CLHC1: variants seen among roughly 807,000 people sequenced by gnomAD.
CLHC1 encodes clathrin heavy chain linker domain containing 1, also known as clathrin heavy chain linker domain-containing protein 1.
In CLHC1, 72 loss-of-function variants were observed where a neutral mutation model predicts 69.5. That is an observed-to-expected ratio of 1.04 (90% CI 0.86 to 1.26). The LOEUF is 1.26. CLHC1 is among the 50% of genes most tolerant of loss of function. The pLI is 0.00. For synonymous variants in CLHC1, 223 were observed against 224.3 expected (o/e 0.99, Z 0.05); for missense variants, 790 against 679.3 (o/e 1.16, Z -1.81).
intron 10 of CLHC1, 147 bp downstream of exon 10, chr2:55,181,423 C>A (rs1669922397): frequency 4.6e-6 from 3 of 645,646 alleles, no homozygotes; most frequent in Non-Finnish European, 7.7e-6. Context: ...GCCACCACAC[C>A]CGACCACTAA....
chr2:55,186,149 A>G (rs1670393303), intron 9 of CLHC1, among the ~76,000 whole-genome samples: 1 of 152,166 alleles, frequency 6.6e-6, no homozygotes. Flanking sequence ...TGAAGTCTGA[A>G]TTTCAGTTAT....
intron 1 of CLHC1, among the ~76,000 whole-genome samples, chr2:55,228,937 G>C (rs1375435777): frequency 6.6e-6 from 1 of 152,068 alleles, no homozygotes; most frequent in Admixed American, 6.6e-5. Context: ...ATCACTTGAG[G>C]TTAGGAGTTT....
chr2:55,186,681 G>A (rs1670444276), intron 9 of CLHC1, among the ~76,000 whole-genome samples: 1 of 151,954 alleles, frequency 6.6e-6, no homozygotes, highest in South Asian at 2.1e-4. Flanking sequence ...AGGCTGAGGT[G>A]GGAGGATCAC....
At chr2:55,177,819 A>G (rs748196506) in intron 11 of CLHC1, 38 bp from the exon 12 acceptor site, 2 of 1,446,038 alleles carry the variant, frequency 1.4e-6, no homozygotes, top group Non-Finnish European at 1.9e-6. Context: ...TCAATGTCCT[A>G]ATATCATAAA....
intron 3 of CLHC1, among the ~76,000 whole-genome samples, chr2:55,218,854 T>C (rs905323962): frequency 6.6e-6 from 1 of 152,194 alleles, no homozygotes; most frequent in Non-Finnish European, 1.5e-5. Context: ...CAGGCTCAAT[T>C]CCTAATTTTC....
chr2:55,214,821 A>G (rs1673340833), intron 4 of CLHC1: 1 of 152,254 alleles, frequency 6.6e-6, no homozygotes, highest in African/African-American at 2.4e-5. Flanking sequence ...AAACAGATGA[A>G]TGGATAAACA....
intron 9 of CLHC1, among the ~76,000 whole-genome samples, chr2:55,186,391 A>C (rs1344687746): frequency 6.6e-6 from 1 of 152,224 alleles, no homozygotes; most frequent in African/African-American, 2.4e-5. Context: ...ATGAGTTAGG[A>C]TACCCAATAA....
intron 9 of CLHC1, among the ~76,000 whole-genome samples, chr2:55,201,462 G>A (rs1416976547): frequency 6.6e-6 from 1 of 152,034 alleles, no homozygotes; most frequent in East Asian, 1.9e-4. Context: ...CACCAATATT[G>A]AACCATGAAG....
At chr2:55,229,499 A>G (rs1198174856) in intron 1 of CLHC1, among the ~76,000 whole-genome samples, 1 of 152,156 alleles carries the variant, frequency 6.6e-6, no homozygotes, top group African/African-American at 2.4e-5. Flanking sequence ...AAGGGAGAGA[A>G]GAGATGAGAT....
rs200955750 is a variant in CLHC1, at chr2:55,190,323, A to T, written c.1007-8579T>A. On this transcript the variant is annotated intron_variant, in intron 9 of 12. Transcript: ENST00000401408. Reference sequence around the variant, plus strand: ...CAGCCTCCCAAAGTGCTGGGATTACAGGCATGAGCCACCATGCCCAGCCTA... The same window carrying T: ...CAGCCTCCCAAAGTGCTGGGATTACTGGCATGAGCCACCATGCCCAGCCTA... Among the ~76,000 whole-genome samples, 7 of 152,300 alleles carry T rather than the reference A, an allele frequency of 4.6e-5. No individual in the cohort carries two copies. The East Asian group carries it at 1.4e-3, about 29-fold the overall frequency.
chr2:55,230,387 A>G (rs558274391), intron 1 of CLHC1, among the ~76,000 whole-genome samples: 9 of 152,362 alleles, frequency 5.9e-5, no homozygotes, highest in African/African-American at 2.2e-4. Context: ...GAGCAATTTC[A>G]TGAGATTAAG....
Position 55,222,300 on chromosome 2 carries a change from G to T in CLHC1, c.112C>A (p.Leu38Met). 6.2e-7 allele frequency: 1 copy of T among 1,613,642 alleles called. No homozygotes were observed. Reference sequence around the variant, plus strand: ...GCAGGTCCTTCCTCACTACAGCCCAGTCTTTCAGTTTCTGTAATTATGTAT... The same window carrying T: ...GCAGGTCCTTCCTCACTACAGCCCATTCTTTCAGTTTCTGTAATTATGTAT... Reference protein sequence around the residue: ...QRYIITETERLGCSEEGPADE... With the variant: ...QRYIITETERMGCSEEGPADE... The change falls in exon 3 of 13, where the codon CTG becomes ATG. Residue 38 changes from leucine to methionine, a missense_variant. Coordinates refer to ENST00000401408, the MANE Select transcript of CLHC1 (RefSeq NM_152385.4).
At chr2:55,200,090 G>A (rs1671794623) in intron 9 of CLHC1, among the ~76,000 whole-genome samples, 1 of 152,010 alleles carries the variant, frequency 6.6e-6, no homozygotes, top group Admixed American at 6.6e-5. Flanking sequence ...CAAGTGTGGT[G>A]GTGCATGCCT....
At chr2:55,189,707 C>T (rs770460037) in intron 9 of CLHC1, among the ~76,000 whole-genome samples, 2 of 152,138 alleles carry the variant, frequency 1.3e-5, no homozygotes, top group Admixed American at 6.5e-5. Flanking sequence ...ATCTGTACAG[C>T]GTTCCCCACA....
At chr2:55,186,889 A>T (rs1395323992) in intron 9 of CLHC1, among the ~76,000 whole-genome samples, 2 of 152,186 alleles carry the variant, frequency 1.3e-5, no homozygotes, top group Non-Finnish European at 2.9e-5. Flanking sequence ...GAAACAAAAG[A>T]TATGATCATT....
intron 9 of CLHC1, among the ~76,000 whole-genome samples, chr2:55,195,758 C>A (rs1320369845): frequency 6.6e-6 from 1 of 152,192 alleles, no homozygotes; most frequent in African/African-American, 2.4e-5. Context: ...GCCGTTGCAC[C>A]ACTGCACTCC....
chr2:55,187,821 T>C (rs1670559595), intron 9 of CLHC1, among the ~76,000 whole-genome samples: 3 of 152,122 alleles, frequency 2.0e-5, no homozygotes, highest in South Asian at 4.1e-4. Flanking sequence ...TAAATTCCAC[T>C]ACATTAAAAT....
At chr2:55,216,858 A>T (rs1054921099) in intron 4 of CLHC1, among the ~76,000 whole-genome samples, 2 of 151,888 alleles carry the variant, frequency 1.3e-5, no homozygotes, top group African/African-American at 2.4e-5. Flanking sequence ...TTTCAATTAT[A>T]CTAAGAGGGC....
chr2:55,199,472 A>G (rs1464487764), intron 9 of CLHC1, among the ~76,000 whole-genome samples: 1 of 152,172 alleles, frequency 6.6e-6, no homozygotes, highest in Non-Finnish European at 1.5e-5. Context: ...TCATATCTTA[A>G]GTAGAAAGGC....
Sources: allele counts gnomAD v4.1 joint callset (sites outside exome capture counted in the v4.1 genomes callset), GRCh38; gene constraint gnomAD v4.1.1; transcripts MANE v1.5; gene names NCBI Gene and HGNC (gene_info 2026-07-23, HGNC 2026-07-21).